Variants in AMMECR1 observed in about 807,000 individuals in gnomAD.
AMMECR1 encodes nuclear protein AMMECR1.
A neutral mutation model predicts 22.5 loss-of-function variants in AMMECR1; 3 were observed. That is an observed-to-expected ratio of 0.13 (90% confidence interval 0.06 to 0.35). AMMECR1 has a LOEUF of 0.35. AMMECR1 is among the 10% of genes least tolerant of loss of function. The probability of loss-of-function intolerance (pLI) is 1.00; values close to 1 mark genes in which losing one functional copy is unlikely to be tolerated. For synonymous variants in AMMECR1, 130 were observed against 116.7 expected, an observed-to-expected ratio of 1.11 and a Z score of -0.74; for missense variants, 235 against 278.7, an observed-to-expected ratio of 0.84 and a Z score of 1.12.
intron 2 of AMMECR1, among the ~76,000 whole-genome samples, chrX:110,232,822 G>A (rs755333994): frequency 9.8e-5 from 10 of 102,121 alleles, no homozygotes; most frequent in African/African-American, 2.2e-4. Context: ...CCCGGGAGGC[G>A]GAGCTTGCAA....
At chrX:110,244,841 T>C (rs1279956853) in intron 2 of AMMECR1, among the ~76,000 whole-genome samples, 1 of 112,418 alleles carries the variant, frequency 8.9e-6, no homozygotes, top group South Asian at 3.7e-4. Flanking sequence ...AATTGCTACA[T>C]ATTTAGAGAA....
At chrX:110,367,398 A>G (rs757639104) in intron 2 of AMMECR1, among the ~76,000 whole-genome samples, 1 of 111,873 alleles carries the variant, frequency 8.9e-6, no homozygotes, top group South Asian at 3.7e-4. Context: ...TATCAAGGTC[A>G]ACAATATCTC....
intron 2 of AMMECR1, among the ~76,000 whole-genome samples, chrX:110,347,940 A>G (rs1050671930): frequency 3.6e-5 from 4 of 112,533 alleles, no homozygotes; most frequent in Non-Finnish European, 7.5e-5. Flanking sequence ...TGACACTTCC[A>G]TTAGTAGCAC....
chrX:110,369,304 C>T (rs1490529028), intron 2 of AMMECR1, among the ~76,000 whole-genome samples: 1 of 110,467 alleles, frequency 9.1e-6, no homozygotes, highest in African/African-American at 3.3e-5. Flanking sequence ...TGCACTACAG[C>T]CTGGGCGACA....
chrX:110,427,219 A>G (rs1348509109), intron 1 of AMMECR1, among the ~76,000 whole-genome samples: 1 of 111,580 alleles, frequency 9.0e-6, no homozygotes, highest in African/African-American at 3.3e-5. Flanking sequence ...CTCTGTGACC[A>G]TTCTCCCCAA....
At chrX:110,417,470 G>A (rs1462525478) in intron 2 of AMMECR1, among the ~76,000 whole-genome samples, 3 of 110,135 alleles carry the variant, frequency 2.7e-5, no homozygotes, top group Non-Finnish European at 5.6e-5. Flanking sequence ...GTGTGCAGAC[G>A]CAAATGAGCA....
chrX:110,265,574 C>T (rs937738005), intron 1 of AMMECR1, among the ~76,000 whole-genome samples: 1 of 111,578 alleles, frequency 9.0e-6, no homozygotes, highest in Admixed American at 9.5e-5. Context: ...CAATTACGTT[C>T]TAATTAGAGC....
chrX:110,229,764 G>A (rs1037555171), intron 2 of AMMECR1, among the ~76,000 whole-genome samples: 8 of 112,199 alleles, frequency 7.1e-5, no homozygotes, highest in African/African-American at 1.3e-4. Context: ...AAGGGAAGCC[G>A]TGACAGACTA....
chrX:110,322,107 G>C (rs2068081143), upstream of AMMECR1, among the ~76,000 whole-genome samples: 2 of 112,151 alleles, frequency 1.8e-5, no homozygotes, highest in South Asian at 7.4e-4. Context: ...TTTTCTAGTT[G>C]TTTCATTTAC....
intron 2 of AMMECR1, among the ~76,000 whole-genome samples, chrX:110,233,035 A>G (rs995564183): frequency 5.4e-5 from 6 of 110,155 alleles, no homozygotes; most frequent in African/African-American, 2.0e-4. Context: ...AAAAAAATCA[A>G]TGAATCCAGG....
chrX:110,320,064 G>A (rs1036819279), upstream of AMMECR1, among the ~76,000 whole-genome samples: 4 of 112,348 alleles, frequency 3.6e-5, no homozygotes, highest in Admixed American at 2.8e-4. Context: ...AAAAGGGATA[G>A]TTTAATTGGT....
intron 2 of AMMECR1, among the ~76,000 whole-genome samples, chrX:110,394,603 T>A (rs2068516864): frequency 8.9e-6 from 1 of 112,768 alleles, no homozygotes; most frequent in Non-Finnish European, 1.9e-5. Flanking sequence ...TAAAGTCCAG[T>A]TCCCAAGAAC....
chrX:110,233,425 C>G (rs1232305550), intron 2 of AMMECR1, among the ~76,000 whole-genome samples: 1 of 112,082 alleles, frequency 8.9e-6, no homozygotes, highest in African/African-American at 3.2e-5. Context: ...TGGTACCAAT[C>G]CTTCTGAAAC....
rs147723528 is a variant in AMMECR1, at chrX:110,349,243, C to T, written c.-147-31394G>A. Among the ~76,000 whole-genome samples, 14 of 111,916 alleles carry T rather than the reference C, an allele frequency of 1.3e-4. No homozygotes were observed. The East Asian group carries it at 3.9e-3, about 31-fold the overall frequency. On this transcript the variant is annotated intron_variant, in intron 2 of 7. Transcript: ENST00000372057. ...AGAGGCCACATAGCTGGTCTCTTAG[C>T]CTGTTGAGGCTGCTATATCAAGAAT...
intron 1 of AMMECR1, among the ~76,000 whole-genome samples, chrX:110,291,757 C>G: frequency 8.9e-6 from 1 of 111,989 alleles, no homozygotes; most frequent in Non-Finnish European, 1.9e-5. Flanking sequence ...AAACATTTAT[C>G]TAGGTTATAT....
At chrX:110,312,569 T>C (rs2068028537) in intron 1 of AMMECR1, among the ~76,000 whole-genome samples, 1 of 111,895 alleles carries the variant, frequency 8.9e-6, no homozygotes, top group African/African-American at 3.2e-5. Context: ...GAAAGCAAAA[T>C]AAGCATTTTC....
upstream of AMMECR1, among the ~76,000 whole-genome samples, chrX:110,319,020 T>G (rs1187395422): frequency 8.9e-6 from 1 of 112,308 alleles, no homozygotes; most frequent in East Asian, 2.8e-4. Flanking sequence ...TCTGTAGTGC[T>G]CAGATCTTAG....
intron 1 of AMMECR1, among the ~76,000 whole-genome samples, chrX:110,277,526 C>A (rs965877013): frequency 8.1e-5 from 9 of 110,819 alleles, no homozygotes; most frequent in Non-Finnish European, 1.5e-4. Context: ...ATGTAACAAA[C>A]CTGCACGTTG....
chrX:110,422,469 C>T (rs2068724326), intron 2 of AMMECR1, among the ~76,000 whole-genome samples: 1 of 112,872 alleles, frequency 8.9e-6, no homozygotes, highest in African/African-American at 3.2e-5. Flanking sequence ...GCCATATTTA[C>T]CTGTTCTCCC....
Sources: allele counts gnomAD v4.1 joint callset (sites outside exome capture counted in the v4.1 genomes callset), GRCh38; gene constraint gnomAD v4.1.1; transcripts MANE v1.5; gene names NCBI Gene and HGNC (gene_info 2026-07-23, HGNC 2026-07-21).